The following AGBL1 variants were observed in gnomAD, a reference collection of about 807,000 sequenced individuals.
AGBL1 encodes the protein cytosolic carboxypeptidase 4.
AGBL1 carries 130 observed loss-of-function variants against 118.9 expected under a neutral mutation model. The ratio of observed to expected loss-of-function variants is 1.09; its 90% confidence interval spans 0.95 to 1.26. AGBL1 has a LOEUF of 1.26. AGBL1 is among the 50% of genes most tolerant of loss of function. The pLI is 0.00. For missense variants in AGBL1, 1,584 were observed against 1,298.1 expected (o/e 1.22, Z -3.38); for synonymous variants, 555 against 478.9 (o/e 1.16, Z -2.08).
intron 17 of AGBL1, among the ~76,000 whole-genome samples, chr15:86,349,818 C>G (rs537627083): frequency 2.6e-4 from 39 of 152,256 alleles, no homozygotes; most frequent in African/African-American, 8.9e-4. Flanking sequence ...GAAGCATGGC[C>G]TATTGGAAAG....
chr15:86,803,270 C>G (rs2078675411), intron 22 of AGBL1, among the ~76,000 whole-genome samples: 1 of 152,092 alleles, frequency 6.6e-6, no homozygotes, highest in South Asian at 2.1e-4. Flanking sequence ...CTCATGAGAT[C>G]TGATGGTTTT....
rs576352734 is a variant in AGBL1, at chr15:86,210,176, G to A, written c.489-14738G>A. Among the ~76,000 whole-genome samples the A allele has an allele frequency of 8.3e-3, 1,258 of 152,268 alleles. 14 individuals carry two copies. The highest frequency in any genetic ancestry group is 0.028 in the African/African-American group (1,181 of 41,546). ...CTTCTGGCTTGTAGAGTTTCTGCCA[G>A]GAGATCCGCTGTTAGTCTGATGGGC... is the stretch of plus-strand genomic sequence containing the variant. On this transcript the variant is annotated intron_variant, in intron 5 of 22. Transcript: ENST00000614907.
chr15:86,558,731 G>A (rs1768522776), intron 21 of AGBL1, among the ~76,000 whole-genome samples: 1 of 152,158 alleles, frequency 6.6e-6, no homozygotes, highest in South Asian at 2.1e-4. Context: ...CGTGTTCAGG[G>A]CTCCCAGTGG....
intron 21 of AGBL1, among the ~76,000 whole-genome samples, chr15:86,625,379 G>T (rs2346719): frequency 0.65 from 37,347 of 57,454 alleles, 10,065 homozygotes; most frequent in Non-Finnish European, 0.69. Context: ...TTTTTTTTTT[G>T]TTTTTGTTTT....
At chr15:86,895,351 T>A (rs1403944934) in intron 22 of AGBL1, among the ~76,000 whole-genome samples, 1 of 151,906 alleles carries the variant, frequency 6.6e-6, no homozygotes, top group African/African-American at 2.4e-5. Flanking sequence ...ATAACCACTG[T>A]CAGCCTACAA....
chr15:86,388,615 A>C (rs534699448), intron 17 of AGBL1, among the ~76,000 whole-genome samples: 1 of 152,160 alleles, frequency 6.6e-6, no homozygotes, highest in Non-Finnish European at 1.5e-5. Flanking sequence ...CATACTTTAC[A>C]TGGTACTTCT....
intron 5 of AGBL1, among the ~76,000 whole-genome samples, chr15:86,215,962 A>C (rs1299997949): frequency 6.6e-6 from 1 of 152,164 alleles, no homozygotes; most frequent in Non-Finnish European, 1.5e-5. Context: ...CTCAGTATAA[A>C]AGGATGCCTT....
chr15:86,571,405 T>C (rs1231870918), intron 21 of AGBL1, among the ~76,000 whole-genome samples: 1 of 152,072 alleles, frequency 6.6e-6, no homozygotes, highest in African/African-American at 2.4e-5. Flanking sequence ...AAGAGGAGCG[T>C]TATTGAGCAA....
chr15:86,856,905 C>T (rs2079490763), intron 22 of AGBL1, among the ~76,000 whole-genome samples: 1 of 152,208 alleles, frequency 6.6e-6, no homozygotes, highest in African/African-American at 2.4e-5. Flanking sequence ...TAATGGCAGA[C>T]ATTTTCATGA....
At chr15:86,346,578 T>C (rs920476280) in intron 17 of AGBL1, among the ~76,000 whole-genome samples, 1 of 152,020 alleles carries the variant, frequency 6.6e-6, no homozygotes, top group Admixed American at 6.6e-5. Context: ...CTCGATCTCC[T>C]GACCTCATGA....
intron 17 of AGBL1, chr15:86,316,815 T>C (rs2080019692): frequency 6.6e-6 from 1 of 152,338 alleles, no homozygotes; most frequent in Non-Finnish European, 1.5e-5. Context: ...CAAGTCACTG[T>C]GTGTCCTCCT....
At chr15:87,011,612 A>G (rs1242245304) in intron 24 of AGBL1, among the ~76,000 whole-genome samples, 1 of 152,204 alleles carries the variant, frequency 6.6e-6, no homozygotes, top group East Asian at 1.9e-4. Flanking sequence ...CAGTCATTAT[A>G]GGAAAAAGGG....
chr15:86,405,821 A>G (rs1224850597), intron 18 of AGBL1, among the ~76,000 whole-genome samples: 1 of 152,054 alleles, frequency 6.6e-6, no homozygotes, highest in Non-Finnish European at 1.5e-5. Context: ...GTCTAAGTTC[A>G]AAAGGAGATG....
At chr15:86,759,951 G>C (rs900350957) in intron 22 of AGBL1, among the ~76,000 whole-genome samples, 2 of 152,084 alleles carry the variant, frequency 1.3e-5, no homozygotes, top group Non-Finnish European at 2.9e-5. Flanking sequence ...AATGAGGTGT[G>C]TGGTTATTTT....
chr15:86,212,774 C>A (rs2078121989), intron 5 of AGBL1, among the ~76,000 whole-genome samples: 1 of 152,160 alleles, frequency 6.6e-6, no homozygotes, highest in East Asian at 1.9e-4. Context: ...CTCAGCCTCC[C>A]AAGTAGCTGG....
At chr15:86,205,203 A>G (rs1476708514) in intron 5 of AGBL1, among the ~76,000 whole-genome samples, 4 of 152,174 alleles carry the variant, frequency 2.6e-5, no homozygotes, top group Non-Finnish European at 5.9e-5. Flanking sequence ...GGAATCACAC[A>G]TACGTAGCTT....
chr15:86,334,821 C>T (rs1283839632), intron 17 of AGBL1, among the ~76,000 whole-genome samples: 1 of 152,018 alleles, frequency 6.6e-6, no homozygotes, highest in Non-Finnish European at 1.5e-5. Flanking sequence ...ACACATAGAC[C>T]AATGGAACAC....
chr15:86,762,217 G>T (rs1464179664), intron 22 of AGBL1, among the ~76,000 whole-genome samples: 1 of 151,954 alleles, frequency 6.6e-6, no homozygotes, highest in Non-Finnish European at 1.5e-5. Context: ...GGGGCCTGTT[G>T]GGGGAGGTTG....
At chr15:86,177,297 G>A (rs72752105) in intron 5 of AGBL1, among the ~76,000 whole-genome samples, 6,084 of 152,192 alleles carry the variant, frequency 0.04, 201 homozygotes, top group East Asian at 0.086. Flanking sequence ...AATAATTGAC[G>A]TAAAAACTGA....
Sources: gnomAD v4.1 joint callset for allele counts (sites outside exome capture counted in the v4.1 genomes callset) on GRCh38, gnomAD v4.1.1 for gene constraint, MANE v1.5 for transcripts, NCBI Gene and HGNC (gene_info 2026-07-23, HGNC 2026-07-21) for gene names.